Variants in SSBP3 observed in about 807,000 individuals in gnomAD.
SSBP3 encodes the protein single-stranded DNA-binding protein 3.
SSBP3 carries 5 observed loss-of-function variants against 69.6 expected under a neutral mutation model. The ratio of observed to expected loss-of-function variants is 0.07; its 90% CI spans 0.04 to 0.15. The LOEUF (loss-of-function observed/expected upper bound fraction) is 0.15. SSBP3 is among the 10% of genes least tolerant of loss of function. SSBP3 has a pLI of 1.00. For missense variants in SSBP3, 312 were observed against 534.0 expected, an observed-to-expected ratio of 0.58 and a Z score of 4.10; for synonymous variants, 196 against 193.4, an observed-to-expected ratio of 1.01 and a Z score of -0.11.
intron 4 of SSBP3, among the ~76,000 whole-genome samples, chr1:54,293,799 C>T (rs1253492078): frequency 6.6e-6 from 1 of 152,248 alleles, no homozygotes; most frequent in African/African-American, 2.4e-5. Flanking sequence ...AGGGAAGATG[C>T]TGGCTCAGTA....
intron 7 of SSBP3, among the ~76,000 whole-genome samples, chr1:54,256,031 GCA>G (rs1644914898): frequency 2.6e-5 from 4 of 151,714 alleles, no homozygotes; most frequent in Admixed American, 2.6e-4. Flanking sequence ...AGCAGAGATT[GCA>G]CCACTGCACT....
At chr1:54,234,108 C>A (rs867220627) in intron 14 of SSBP3, among the ~76,000 whole-genome samples, 1 of 150,780 alleles carries the variant, frequency 6.6e-6, no homozygotes, top group Non-Finnish European at 1.5e-5. Flanking sequence ...GGATTAAGGG[C>A]GGTGCAAGAT....
intron 5 of SSBP3, among the ~76,000 whole-genome samples, chr1:54,267,663 G>T (rs932439886): frequency 6.6e-6 from 1 of 152,154 alleles, no homozygotes; most frequent in Non-Finnish European, 1.5e-5. Context: ...CAAGATGGTG[G>T]GGATGGGACC....
At chr1:54,353,920 A>C (rs1183588093) in intron 4 of SSBP3, among the ~76,000 whole-genome samples, 1 of 152,198 alleles carries the variant, frequency 6.6e-6, no homozygotes, top group African/African-American at 2.4e-5. Flanking sequence ...CAGCACCTTC[A>C]TTCTACAGAT....
chr1:54,395,296 A>C (rs1330508860), intron 4 of SSBP3, among the ~76,000 whole-genome samples: 1 of 152,186 alleles, frequency 6.6e-6, no homozygotes, highest in African/African-American at 2.4e-5. Flanking sequence ...TTTTACAGTA[A>C]AGAGATGGAC....
chr1:54,252,489 A>T (rs1644846707), intron 7 of SSBP3, among the ~76,000 whole-genome samples: 1 of 152,200 alleles, frequency 6.6e-6, no homozygotes, highest in South Asian at 2.1e-4. Context: ...ATCAGCTTCT[A>T]CAATAGGAAA....
chr1:54,348,639 G>C (rs1219667027), intron 4 of SSBP3, among the ~76,000 whole-genome samples: 2 of 152,232 alleles, frequency 1.3e-5, no homozygotes, highest in South Asian at 2.1e-4. Flanking sequence ...CAAGGAGATG[G>C]CTGGGCAGAT....
At chr1:54,239,065 C>G in intron 14 of SSBP3, 64 bp downstream of exon 14, 1 of 1,373,812 alleles carries the variant, frequency 7.3e-7, no homozygotes, top group Non-Finnish European at 1.0e-6. Flanking sequence ...TTCCCCTCAG[C>G]TGATGAAGTT....
chr1:54,237,929 G>C (rs111627172), intron 14 of SSBP3: 2 of 358,874 alleles, frequency 5.6e-6, no homozygotes, highest in African/African-American at 2.1e-5. Context: ...GTGACCACTC[G>C]AGGCAGATCA....
At chr1:54,248,592 G>A (rs775349124) in intron 9 of SSBP3, among the ~76,000 whole-genome samples, 8 of 152,100 alleles carry the variant, frequency 5.3e-5, no homozygotes, top group Non-Finnish European at 1.5e-5. Flanking sequence ...GGGAGAGTCT[G>A]CCCTCTCCCT....
chr1:54,375,630 C>G (rs1363810476), intron 4 of SSBP3, among the ~76,000 whole-genome samples: 1 of 152,202 alleles, frequency 6.6e-6, no homozygotes, highest in Non-Finnish European at 1.5e-5. Flanking sequence ...AGAGGCGCCC[C>G]CAGCCAGTCC....
chr1:54,310,781 T>C (rs1645987654), intron 4 of SSBP3, among the ~76,000 whole-genome samples: 1 of 152,200 alleles, frequency 6.6e-6, no homozygotes, highest in South Asian at 2.1e-4. Context: ...GTATTTCCAC[T>C]TGCTGGTCTT....
chr1:54,304,176 C>T lies in SSBP3; in HGVS notation c.277-22649G>A, dbSNP rs558745376. Among the ~76,000 whole-genome samples, 14 of 152,244 alleles carry T rather than the reference C, an allele frequency of 9.2e-5. No individual in the cohort carries two copies. In the South Asian group the frequency reaches 2.3e-3, roughly 25 times the overall value. ...GAACACAACTGGGGAGCACTTGGGT[C>T]GGGCATGTTGGAACCAAACGACACA... is the stretch of plus-strand genomic sequence containing the variant. On this transcript the variant is annotated intron_variant, in intron 4 of 17. Transcript: ENST00000610401.
chr1:54,311,997 T>C (rs1443127286), intron 4 of SSBP3, among the ~76,000 whole-genome samples: 5 of 152,110 alleles, frequency 3.3e-5, no homozygotes, highest in African/African-American at 7.2e-5. Flanking sequence ...ACCGGCTGAT[T>C]TGCCTCCACA....
chr1:54,279,358 T>C (rs554817341), intron 5 of SSBP3, among the ~76,000 whole-genome samples: 143 of 152,274 alleles, frequency 9.4e-4, no homozygotes, highest in African/African-American at 3.2e-3. Flanking sequence ...AAGAAGTATG[T>C]CTGGAATTAG....
intron 7 of SSBP3, among the ~76,000 whole-genome samples, chr1:54,254,349 G>A (rs1415455997): frequency 6.6e-6 from 1 of 152,188 alleles, no homozygotes; most frequent in Admixed American, 6.5e-5. Context: ...CTGCCGAGAT[G>A]TGTGTGGGAG....
chr1:54,397,143 C>T (rs898650237), intron 4 of SSBP3, among the ~76,000 whole-genome samples: 8 of 152,210 alleles, frequency 5.3e-5, no homozygotes, highest in Non-Finnish European at 1.0e-4. Context: ...AAGGCAACGC[C>T]GTGAACTTGC....
chr1:54,293,736 TAA>T (rs1645648809), intron 4 of SSBP3, among the ~76,000 whole-genome samples: 1 of 152,222 alleles, frequency 6.6e-6, no homozygotes, highest in Non-Finnish European at 1.5e-5. Flanking sequence ...AATTCCTTAT[TAA>T]ATTAGCCAGC....
intron 4 of SSBP3, among the ~76,000 whole-genome samples, chr1:54,358,154 T>C (rs1298106747): frequency 6.6e-6 from 1 of 152,224 alleles, no homozygotes; most frequent in Non-Finnish European, 1.5e-5. Context: ...CCACCAAGCT[T>C]ATCTTCATTG....
Sources: gnomAD v4.1 joint callset for allele counts (sites outside exome capture counted in the v4.1 genomes callset) on GRCh38, gnomAD v4.1.1 for gene constraint, MANE v1.5 for transcripts, NCBI Gene and HGNC (gene_info 2026-07-23, HGNC 2026-07-21) for gene names.